Variants in LAIR1 observed in about 807,000 individuals in gnomAD.
LAIR1 encodes leukocyte-associated immunoglobulin-like receptor 1.
In LAIR1, 24 loss-of-function variants were observed where a neutral mutation model predicts 32.8. The ratio of observed to expected loss-of-function variants is 0.73; its 90% CI spans 0.53 to 1.03. The LOEUF is 1.03. Among genes scored for constraint, LAIR1 ranks in the 50% least tolerant of loss-of-function variants. The pLI is 0.00. For synonymous variants in LAIR1, 150 were observed against 140.5 expected (o/e 1.07, Z -0.48); for missense variants, 355 against 347.5 (o/e 1.02, Z -0.17).
upstream of LAIR1, chr19:54,370,621 C>T (rs547754804): frequency 2.8e-5 from 7 of 253,436 alleles, no homozygotes; most frequent in East Asian, 4.4e-4. Flanking sequence ...GCCAGCATCA[C>T]AGCTCAAATC....
upstream of LAIR1, among the ~76,000 whole-genome samples, chr19:54,374,409 C>T (rs554660749): frequency 1.3e-5 from 2 of 152,148 alleles, no homozygotes; most frequent in Admixed American, 1.3e-4. Flanking sequence ...CTCCCAGTTC[C>T]CTTAGTTCTG....
chr19:54,360,887 C>T (rs376316420), intron 3 of LAIR1, 29 bp downstream of exon 3: 2 of 1,595,920 alleles, frequency 1.3e-6, no homozygotes, highest in African/African-American at 2.7e-5. Context: ...CGAGCTGAGA[C>T]TGGGGCAGGG....
rs2082016969 is a variant in LAIR1, at chr19:54,361,381, G to A, written c.71-172C>T. On this transcript the variant is annotated intron_variant, in intron 2 of 9. Coordinates refer to ENST00000391742, the MANE Select transcript of LAIR1 (RefSeq NM_002287.6). ...CGCCTCCTGCACCTTCTACGTGCATGTGATTCTCATCACTGCAGAGTTTTT... is the reference window on the plus strand; with the variant it reads ...CGCCTCCTGCACCTTCTACGTGCATATGATTCTCATCACTGCAGAGTTTTT... 3 of 713,130 alleles carry A rather than the reference G, an allele frequency of 4.2e-6. No homozygotes were observed. The East Asian group carries it at 7.4e-5, about 18-fold the overall frequency. 44.2% of individuals were successfully genotyped at this position (713,130 alleles called of 1,614,324 possible).
chr19:54,370,445 G>A (rs750234105), exon 1 of LAIR1: 36 of 529,958 alleles, frequency 6.8e-5, no homozygotes, highest in Admixed American at 1.3e-4. Context: ...TCCAGCCTGC[G>A]CTGTGGAGAG....
At chr19:54,372,866 C>T (rs528951300), upstream of LAIR1, among the ~76,000 whole-genome samples, 3 of 151,652 alleles carry the variant, frequency 2.0e-5, no homozygotes, top group Non-Finnish European at 2.9e-5. Flanking sequence ...CACAGTGGCT[C>T]ATGCCTGTAA....
chr19:54,366,167 C>T (rs1010133533), upstream of LAIR1, among the ~76,000 whole-genome samples: 3 of 152,146 alleles, frequency 2.0e-5, no homozygotes, highest in Non-Finnish European at 4.4e-5. Context: ...ATCTGCTGCA[C>T]CACATACGAC....
At position 54,356,406 on chromosome 19, in the gene LAIR1, C is replaced by A; in HGVS notation, c.584-8G>T. 1.3e-6 allele frequency: 2 copies of A among 1,598,780 alleles called. No homozygotes were observed. The highest frequency in any genetic ancestry group is 1.7e-6 in the Non-Finnish European group (2 of 1,172,542). On this transcript the variant is annotated splice_region_variant and splice_polypyrimidine_tract_variant and intron_variant, in intron 6 of 9. Transcript: ENST00000391742. ...CCTTGCTTCTGGGGGGCCCTAAGGA[C>A]AGTCGGGGTGTGAATTAAGGAGACC...
chr19:54,353,526 CCT>C lies in LAIR1; in HGVS notation c.*1740_*1741del, dbSNP rs1362333958. 3.9e-5 allele frequency: 6 copies of C among 152,024 alleles called. No individual in the cohort carries two copies. The highest frequency in any genetic ancestry group is 1.5e-4 in the African/African-American group (6 of 41,352). 9.4% of individuals were successfully genotyped at this position (152,024 alleles called of 1,614,324 possible). A position where few individuals can be genotyped will look rare whatever the true frequency, so the allele number is the denominator to read the frequency against. On this transcript the variant is annotated 3_prime_UTR_variant, in exon 10 of 10. Transcript: ENST00000391742. ...AGGAGCCTCAGGTGGGTCTGAAGCC[CCT>C]GTCTCTGAGACTTGGCCGACCTTGG...
At chr19:54,363,020 G>GA (rs79699294) in intron 2 of LAIR1, among the ~76,000 whole-genome samples, 28,633 of 134,448 alleles carry the variant, frequency 0.21, 3,350 homozygotes, top group African/African-American at 0.35. Context: ...AGGGCTCTGA[G>GA]AAAAAAAAAA....
chr19:54,369,104 G>A (rs745794504), upstream of LAIR1, among the ~76,000 whole-genome samples: 9 of 149,632 alleles, frequency 6.0e-5, no homozygotes, highest in Non-Finnish European at 8.8e-5. Flanking sequence ...TAATGTTCAT[G>A]CTTTACACGA....
Position 54,352,787 on chromosome 19 carries a change from C to T in LAIR1, c.*2481G>A, listed in dbSNP as rs1274002812. ...CCCACCTGTCAACCTCATAGTCAAA[C>T]AAACAAGACGTTATGGGAGAAAACA... On this transcript the variant is annotated 3_prime_UTR_variant, in exon 10 of 10. Coordinates refer to ENST00000391742, the MANE Select transcript of LAIR1 (RefSeq NM_002287.6). The T allele has an allele frequency of 6.5e-6, 1 of 152,928 alleles. No homozygotes were observed. 9.5% of individuals were successfully genotyped at this position (152,928 alleles called of 1,614,324 possible). A position where few individuals can be genotyped will look rare whatever the true frequency, so the allele number is the denominator to read the frequency against.
In LAIR1 at chr19:54,351,404, ATTTGTC is replaced by A. The variant is rs940508807; in HGVS notation, c.*3858_*3863del. ...TCACCTTTTATCAAAAAGATATTTT[ATTTGTC>A]TAAATGGAAGATATAGTTTACTTTC... On this transcript the variant is annotated 3_prime_UTR_variant, in exon 10 of 10. Coordinates refer to ENST00000391742, the MANE Select transcript of LAIR1 (RefSeq NM_002287.6). The A allele has an allele frequency of 3.3e-5, 5 of 152,210 alleles. No individual in the cohort carries two copies. In the East Asian group the frequency reaches 9.6e-4, roughly 29 times the overall value. The allele number at this position is 152,210 out of a possible 1,614,324, so 9.4% of individuals were successfully genotyped here. A position where few individuals can be genotyped will look rare whatever the true frequency, so the allele number is the denominator to read the frequency against.
Position 54,360,988 on chromosome 19 carries a change from G to A in LAIR1, c.292C>T (p.Leu98Phe). Residue 98 changes from leucine to phenylalanine, a missense_variant, in exon 3 of 10, where the codon CTT becomes TTT. Coordinates refer to ENST00000391742, the MANE Select transcript of LAIR1 (RefSeq NM_002287.6). ...IDSVREGNAG[L>F]YRCIYYKPPK... ...GGCTTATAATAGATGCAGCGATAAA[G>A]CCCGGCATTTCCTTCTCTTACTGAG... is the stretch of plus-strand genomic sequence containing the variant. The A allele has an allele frequency of 6.2e-7, 1 of 1,614,212 alleles. No individual in the cohort carries two copies. The highest frequency in any genetic ancestry group is 1.1e-5 in the South Asian group (1 of 91,086).
upstream of LAIR1, among the ~76,000 whole-genome samples, chr19:54,366,839 G>T (rs2082273507): frequency 6.6e-6 from 1 of 152,164 alleles, no homozygotes; most frequent in African/African-American, 2.4e-5. Flanking sequence ...ATGGCTTCTT[G>T]TACCAACCTA....
Position 54,364,411 on chromosome 19 carries a change from G to A in LAIR1, c.35-81C>T. The A allele has an allele frequency of 1.3e-6, 2 of 1,556,162 alleles. No homozygotes were observed. The highest frequency in any genetic ancestry group is 2.2e-5 in the South Asian group (2 of 89,540). ...TGCTGTCAAAAGGGGGCTCGATGGA[G>A]CTGGGGGGCATTCAGCATTTCATAA... On this transcript the variant is annotated intron_variant, in intron 1 of 9. Transcript: ENST00000391742. The surrounding 1 kb of genome is among the most constrained non-coding windows in gnomAD (Gnocchi z 4.8).
chr19:54,355,412 G>A lies in LAIR1; in HGVS notation c.720C>T (p.Ala240=). The A allele has an allele frequency of 1.9e-6, 3 of 1,600,186 alleles. No individual in the cohort carries two copies. Among genetic ancestry groups the A allele is most frequent in the Non-Finnish European group, 2.6e-6 (3 of 1,173,146 alleles). The change falls in exon 10 of 10, where the codon GCC becomes GCT. Residue 240 remains alanine (A), a splice_region_variant and synonymous_variant. Coordinates refer to ENST00000391742, the MANE Select transcript of LAIR1 (RefSeq NM_002287.6). This position sits in a 1 kb window ranked among gnomAD's most constrained non-coding sequence, Gnocchi z 4.7. ...CCTCCTGGGAACTCCCTGCAGCCAG[G>A]GCCTAAGAGGGAGAGACCCAGGGTG... ...PEKDRETDTS[A]LAAGSSQEVT...
chr19:54,369,874 T>C (rs1443799080), upstream of LAIR1, among the ~76,000 whole-genome samples: 3 of 150,894 alleles, frequency 2.0e-5, no homozygotes, highest in South Asian at 6.3e-4. Flanking sequence ...ACTGCGTTGC[T>C]GACCTATCTT....
At position 54,355,372 on chromosome 19, in the gene LAIR1, G is replaced by A. The variant is rs2122315585; in HGVS notation, c.760C>T (p.Leu254=). 2.5e-6 allele frequency: 4 copies of A among 1,612,956 alleles called. No individual in the cohort carries two copies. In the East Asian group the frequency reaches 8.9e-5, roughly 36 times the overall value. The part of the protein sequence containing the change: ...GSSQEVTYAQ[L]DHWALTQRTA... The stretch of plus-strand genomic sequence containing the variant: ...CTCTGTGTGAGGGCCCAGTGGTCCA[G>A]CTGAGCATACGTCACCTCCTGGGAA... The change falls in exon 10 of 10, where the codon CTG becomes TTG. Residue 254 remains leucine, a synonymous_variant. Coordinates refer to ENST00000391742, the MANE Select transcript of LAIR1 (RefSeq NM_002287.6). This position sits in a 1 kb window ranked among gnomAD's most constrained non-coding sequence, Gnocchi z 4.7.
upstream of LAIR1, among the ~76,000 whole-genome samples, chr19:54,371,927 G>T (rs913104183): frequency 3.3e-5 from 5 of 151,538 alleles, no homozygotes; most frequent in African/African-American, 1.2e-4. Context: ...GGCTTATTTC[G>T]TGTAGTGATA....
Sources: allele counts gnomAD v4.1 joint callset (sites outside exome capture counted in the v4.1 genomes callset), GRCh38; gene constraint gnomAD v4.1.1; non-coding constraint Gnocchi (gnomAD v3.1); transcripts MANE v1.5; gene names NCBI Gene and HGNC (gene_info 2026-07-23, HGNC 2026-07-21).